The following SPRED1 variants were observed in gnomAD, a reference collection of about 807,000 sequenced individuals.
SPRED1 encodes the protein sprouty related EVH1 domain containing 1.
A neutral mutation model predicts 52.3 loss-of-function variants in SPRED1; 18 were observed. That is an observed-to-expected ratio of 0.34 (90% confidence interval 0.24 to 0.51). SPRED1 has a LOEUF of 0.51. SPRED1 is among the 20% of genes least tolerant of loss of function. The pLI is 0.97. For missense variants in SPRED1, 485 were observed against 551.0 expected (o/e 0.88, Z 1.20); for synonymous variants, 155 against 179.7 (o/e 0.86, Z 1.10).
At chr15:38,254,378 C>T (rs971085714) in intron 1 of SPRED1, among the ~76,000 whole-genome samples, 1 of 152,172 alleles carries the variant, frequency 6.6e-6, no homozygotes. Flanking sequence ...CCCCAAAACA[C>T]ACGCTTCTGC....
rs1398262752 is a variant in SPRED1 at position 38,355,146 on chromosome 15, G to A, written c.*3482G>A. 6.6e-6 allele frequency: 1 copy of A among 152,170 alleles called. No individual in the cohort carries two copies. Among genetic ancestry groups the A allele is most frequent in the Non-Finnish European group, 1.5e-5 (1 of 68,090 alleles). The allele number at this position is 152,170 out of a possible 1,614,324, so 9.4% of individuals were successfully genotyped here. Reference sequence around the variant, plus strand: ...AAGTTTTGGTATTTTAGTAGAGATGGGGTTTCACCATGTTGGCCAGGCTGG... The same window carrying A: ...AAGTTTTGGTATTTTAGTAGAGATGAGGTTTCACCATGTTGGCCAGGCTGG... On this transcript the variant is annotated 3_prime_UTR_variant, in exon 7 of 7. Transcript: ENST00000299084.
chr15:38,329,066 A>C (rs911688166), intron 4 of SPRED1, among the ~76,000 whole-genome samples: 1 of 152,104 alleles, frequency 6.6e-6, no homozygotes, highest in Non-Finnish European at 1.5e-5. Flanking sequence ...TGCTTGTTTT[A>C]AGATCATTTT....
chr15:38,265,819 C>A (rs1299613076), intron 1 of SPRED1, among the ~76,000 whole-genome samples: 1 of 152,016 alleles, frequency 6.6e-6, no homozygotes, highest in African/African-American at 2.4e-5. Context: ...AAGCAGAAAT[C>A]TATTTTCGTG....
At chr15:38,300,126 G>T (rs1463233622) in intron 2 of SPRED1, among the ~76,000 whole-genome samples, 1 of 151,880 alleles carries the variant, frequency 6.6e-6, no homozygotes, top group East Asian at 1.9e-4. Context: ...TAACACTATT[G>T]TCTTCCATGC....
Position 38,302,601 on chromosome 15 carries a change from A to G in SPRED1, c.207+3054A>G, listed in dbSNP as rs145499933. 6.0e-3 allele frequency among the ~76,000 whole-genome samples: 913 copies of G among 152,116 alleles called. 4 individuals are homozygous for G. The highest frequency in any genetic ancestry group is 8.0e-3 in the Non-Finnish European group (547 of 67,986). On this transcript the variant is annotated intron_variant, in intron 2 of 6. Coordinates refer to ENST00000299084, the MANE Select transcript of SPRED1 (RefSeq NM_152594.3). Reference sequence around the variant, plus strand: ...AGTTTATTTCCTGGATTATCCTTTGATACTCTAAATTGGAGCTTTCCAACC... The same window carrying G: ...AGTTTATTTCCTGGATTATCCTTTGGTACTCTAAATTGGAGCTTTCCAACC...
chr15:38,308,170 A>G (rs1164413051), intron 2 of SPRED1, among the ~76,000 whole-genome samples: 3 of 152,158 alleles, frequency 2.0e-5, no homozygotes, highest in African/African-American at 4.8e-5. Flanking sequence ...TGATTTTGCA[A>G]ATGTCTCACA....
At chr15:38,347,045 T>C (rs894088831) in intron 5 of SPRED1, among the ~76,000 whole-genome samples, 4 of 152,164 alleles carry the variant, frequency 2.6e-5, no homozygotes, top group African/African-American at 9.7e-5. Flanking sequence ...TTTTCACTCT[T>C]TGTGGTGTTT....
rs147547509 is a variant in SPRED1, at chr15:38,352,241, G to GATAT, written c.*592_*595dup. On this transcript the variant is annotated 3_prime_UTR_variant, in exon 7 of 7. Transcript: ENST00000299084. The stretch of plus-strand genomic sequence containing the variant: ...TCTTCCCCTTCCTAGTTCTGAAGTA[G>GATAT]ATATATATATATATATATCTACTGT... 0.12 allele frequency: 17,939 copies of GATAT among 148,650 alleles called. 1,113 individuals are homozygous for GATAT. The highest frequency in any genetic ancestry group is 0.2 in the East Asian group (1,000 of 5,060). The allele number at this position is 148,650 out of a possible 1,614,324, so 9.2% of individuals were successfully genotyped here.
chr15:38,351,732 A>G lies in SPRED1; in HGVS notation c.*68A>G. 6.4e-7 allele frequency: 1 copy of G among 1,573,262 alleles called. No homozygotes were observed. Among genetic ancestry groups the G allele is most frequent in the Non-Finnish European group, 8.6e-7 (1 of 1,161,330 alleles). Reference sequence around the variant, plus strand: ...GAATTAGCTAACTTGGATTTGTGGAAGCTTTTGGCAAGCAATATGGAATCT... The same window carrying G: ...GAATTAGCTAACTTGGATTTGTGGAGGCTTTTGGCAAGCAATATGGAATCT... On this transcript the variant is annotated 3_prime_UTR_variant, in exon 7 of 7. Coordinates refer to ENST00000299084, the MANE Select transcript of SPRED1 (RefSeq NM_152594.3).
Position 38,351,195 on chromosome 15 carries a change from A to C in SPRED1, c.866A>C (p.Lys289Thr), listed in dbSNP as rs372665535. ...CAGTTTTCTAAACCAGACAGTAAAA[A>C]ATCAGACTATCTGTACTCTTGTGGG... ...SIQFSKPDSK[K>T]SDYLYSCGDE... is the part of the protein sequence containing the mutation. Residue 289 changes from lysine to threonine, a missense_variant, in exon 7 of 7, where the codon AAA (lysine) becomes ACA (threonine). Lys to Thr is a moderately conservative substitution (Grantham distance 78). Transcript: ENST00000299084. 9 of 1,614,032 alleles carry C rather than the reference A, an allele frequency of 5.6e-6. No individual in the cohort carries two copies. Among genetic ancestry groups the C allele is most frequent in the African/African-American group, 5.3e-5 (4 of 74,930 alleles).
rs1344257510 is a variant in SPRED1, at chr15:38,351,661, A to G, written c.1332A>G (p.Gly444=). 2.5e-6 allele frequency: 4 copies of G among 1,611,858 alleles called. No homozygotes were observed. The highest frequency in any genetic ancestry group is 2.5e-6 in the Non-Finnish European group (3 of 1,179,954). ...GTGGTGGGAAACATAAAGCTGCTGG[A>G]TGAAATGGTCCAGTGCCAAAATGAG... ...GCCGGKHKAA[G] Residue 444 remains glycine, a synonymous_variant, in exon 7 of 7, where the codon GGA becomes GGG. Transcript: ENST00000299084.
intron 2 of SPRED1, among the ~76,000 whole-genome samples, chr15:38,310,316 A>G (rs919051665): frequency 1.3e-5 from 2 of 151,860 alleles, no homozygotes; most frequent in Non-Finnish European, 2.9e-5. Context: ...ATTTTTGTAT[A>G]TTTAGTAGAG....
intron 1 of SPRED1, among the ~76,000 whole-genome samples, chr15:38,269,230 C>A (rs1894377382): frequency 6.6e-6 from 1 of 152,140 alleles, no homozygotes; most frequent in Non-Finnish European, 1.5e-5. Context: ...GCGTGAGCCA[C>A]CGCACCCAGC....
intron 5 of SPRED1, among the ~76,000 whole-genome samples, chr15:38,341,502 T>C (rs1340790162): frequency 6.6e-6 from 1 of 152,120 alleles, no homozygotes; most frequent in Non-Finnish European, 1.5e-5. Flanking sequence ...CAATATTTTC[T>C]AGTTTATTCA....
chr15:38,307,023 A>G (rs954767004), intron 2 of SPRED1, among the ~76,000 whole-genome samples: 5 of 152,124 alleles, frequency 3.3e-5, no homozygotes, highest in Admixed American at 1.3e-4. Context: ...AATTTATTTC[A>G]CATCCTTTCC....
chr15:38,339,753 C>T lies in SPRED1; in HGVS notation c.440C>T (p.Ser147Phe). 1 of 1,613,772 alleles carries T rather than the reference C, an allele frequency of 6.2e-7. No individual in the cohort carries two copies. Among genetic ancestry groups the T allele is most frequent in the Non-Finnish European group, 8.5e-7 (1 of 1,179,858 alleles). ...ADDLQANEED[S>F]SSSLVKDHLF... Reference sequence around the variant, plus strand: ...TCCCAATAGGCAAATGAAGAGGATTCTTCCAGTTCTCTAGTGAAGGATCAC... The same window carrying T: ...TCCCAATAGGCAAATGAAGAGGATTTTTCCAGTTCTCTAGTGAAGGATCAC... The change falls in exon 5 of 7, where the codon TCT becomes TTT. Residue 147 changes from serine to phenylalanine, a missense_variant. Ser to Phe is a radical substitution (Grantham distance 155). This residue lies in a region of SPRED1 where 232 missense variants were observed against 231.8 expected (regional missense o/e 1.00). Coordinates refer to ENST00000299084, the MANE Select transcript of SPRED1 (RefSeq NM_152594.3).
At position 38,285,219 on chromosome 15, in the gene SPRED1, C is replaced by T. The variant is rs770350281; in HGVS notation, c.33-14154C>T. ...ATTTATTCAGCAGATATTTTCAGTG[C>T]GTATTTTGTGCCAAGCACTCTTCTA... On this transcript the variant is annotated intron_variant, in intron 1 of 6. Coordinates refer to ENST00000299084, the MANE Select transcript of SPRED1 (RefSeq NM_152594.3). 6.6e-5 allele frequency among the ~76,000 whole-genome samples: 10 copies of T among 151,970 alleles called. No individual in the cohort carries two copies. In the East Asian group the frequency reaches 7.7e-4, roughly 12 times the overall value.
At chr15:38,324,197 A>G (rs1291874095) in intron 3 of SPRED1, among the ~76,000 whole-genome samples, 1 of 152,180 alleles carries the variant, frequency 6.6e-6, no homozygotes, top group African/African-American at 2.4e-5. Flanking sequence ...TGCTAGGACA[A>G]ATCCTTTCTT....
chr15:38,316,236 TTTAATAAA>T (rs1366903218), intron 2 of SPRED1, among the ~76,000 whole-genome samples: 2 of 152,028 alleles, frequency 1.3e-5, no homozygotes, highest in African/African-American at 4.8e-5. Context: ...TGTATCAGAT[TTTAATAAA>T]TTTATGTCAA....
Sources: allele counts gnomAD v4.1 joint callset (sites outside exome capture counted in the v4.1 genomes callset), GRCh38; gene constraint gnomAD v4.1.1; regional missense constraint gnomAD v4.1.1; transcripts MANE v1.5; gene names NCBI Gene and HGNC (gene_info 2026-07-23, HGNC 2026-07-21).